The following CFAP77 variants were observed in gnomAD, a reference collection of about 807,000 sequenced individuals.
CFAP77 encodes cilia- and flagella-associated protein 77.
Under a neutral mutation model 31.1 loss-of-function variants are expected in CFAP77, and 25 were observed. The ratio of observed to expected loss-of-function variants is 0.80; its 90% CI spans 0.59 to 1.12. CFAP77 has a LOEUF of 1.12. Ranked by LOEUF, CFAP77 falls within the 50% of genes most tolerant of loss-of-function variation. CFAP77 has a pLI of 0.00. For synonymous variants in CFAP77, 151 were observed against 159.9 expected (o/e 0.94, Z 0.42); for missense variants, 377 against 397.3 (o/e 0.95, Z 0.44).
chr9:132,572,498 C>T lies in CFAP77; in HGVS notation c.843C>T (p.Tyr281=), dbSNP rs1829972910. The T allele has an allele frequency of 1.9e-6, 3 of 1,606,362 alleles. No homozygotes were observed. Among genetic ancestry groups the T allele is most frequent in the Non-Finnish European group, 2.5e-6 (3 of 1,179,566 alleles). Residue 281 remains tyrosine (Y), a synonymous_variant, in exon 6 of 6, where the codon TAC becomes TAT. Transcript: ENST00000393216. The part of the protein sequence containing the change: ...VRQGTLRMGN[Y]THP Reference sequence around the variant, plus strand: ...AGGGGACCCTGCGGATGGGCAACTACACCCACCCCTAGCCCCTCCCTCCCC... The same window carrying T: ...AGGGGACCCTGCGGATGGGCAACTATACCCACCCCTAGCCCCTCCCTCCCC...
intron 1 of CFAP77, among the ~76,000 whole-genome samples, chr9:132,438,541 A>ATATATATATATATATTTTTT: frequency 9.2e-6 from 1 of 108,152 alleles, no homozygotes; most frequent in African/African-American, 4.1e-5. Context: ...ATATATATAT[A>ATATATATATATATATTTTTT]TTTTTTTTTT....
chr9:132,502,267 T>TA (rs1564230443), intron 3 of CFAP77, among the ~76,000 whole-genome samples: 54 of 58,326 alleles, frequency 9.3e-4, no homozygotes, highest in East Asian at 3.9e-3. Flanking sequence ...ATATATATAT[T>TA]TTTTTTTTTT....
At chr9:132,436,036 A>T (rs971665284) in intron 1 of CFAP77, among the ~76,000 whole-genome samples, 6 of 152,162 alleles carry the variant, frequency 3.9e-5, no homozygotes, top group Non-Finnish European at 7.4e-5. Context: ...TGAAGAAAGG[A>T]TGATGGTCTG....
chr9:132,465,200 C>T (rs1019931600), intron 1 of CFAP77, among the ~76,000 whole-genome samples: 2 of 151,786 alleles, frequency 1.3e-5, no homozygotes, highest in Non-Finnish European at 2.9e-5. Context: ...TCTTAAAAGT[C>T]GAATTCACAT....
At position 132,448,168 on chromosome 9, in the gene CFAP77, C is replaced by CGCACACAT. The variant is rs1157702559; in HGVS notation, c.195+37710_195+37717dup. On this transcript the variant is annotated intron_variant, in intron 1 of 5. Transcript: ENST00000393216. ...GTTGTACTGGATCAAGATACACACACGCACACATGCACACACACACACGCA... is the reference window on the plus strand; with the variant it reads ...GTTGTACTGGATCAAGATACACACACGCACACATGCACACATGCACACACACACACGCA... 2.7e-5 allele frequency among the ~76,000 whole-genome samples: 4 copies of CGCACACAT among 149,506 alleles called. No homozygotes were observed. The South Asian group carries it at 8.6e-4, about 32-fold the overall frequency.
chr9:132,453,392 G>A (rs1035814847), intron 1 of CFAP77, among the ~76,000 whole-genome samples: 15 of 150,062 alleles, frequency 1.0e-4, no homozygotes, highest in African/African-American at 2.0e-4. Context: ...TGGGCAAGAC[G>A]GCATGCGCCT....
At chr9:132,466,264 G>T (rs1329028357) in intron 1 of CFAP77, among the ~76,000 whole-genome samples, 1 of 152,128 alleles carries the variant, frequency 6.6e-6, no homozygotes, top group Admixed American at 6.5e-5. Context: ...GCCCCTTGAT[G>T]ATTCTAGAGA....
intron 1 of CFAP77, among the ~76,000 whole-genome samples, chr9:132,427,572 G>A (rs1048763517): frequency 1.2e-4 from 18 of 151,986 alleles, no homozygotes; most frequent in African/African-American, 3.4e-4. Flanking sequence ...CCGAGATCAC[G>A]CAACTGCACT....
chr9:132,553,471 C>T (rs1026589855), intron 5 of CFAP77, among the ~76,000 whole-genome samples: 2 of 152,124 alleles, frequency 1.3e-5, no homozygotes, highest in Non-Finnish European at 1.5e-5. Flanking sequence ...ACACCATATG[C>T]GAATTTTGGG....
chr9:132,538,854 A>C (rs1158029968), intron 4 of CFAP77, among the ~76,000 whole-genome samples: 1 of 152,052 alleles, frequency 6.6e-6, no homozygotes, highest in Non-Finnish European at 1.5e-5. Flanking sequence ...TTGAGAGGCC[A>C]AGGCGGGCGG....
At chr9:132,536,897 T>C (rs145558088) in intron 3 of CFAP77, among the ~76,000 whole-genome samples, 1 of 152,254 alleles carries the variant, frequency 6.6e-6, no homozygotes, top group African/African-American at 2.4e-5. Context: ...ATAATACTAG[T>C]ATCCATTTTC....
chr9:132,561,655 A>ACC (rs1564253318), intron 5 of CFAP77, among the ~76,000 whole-genome samples: 2 of 85,284 alleles, frequency 2.3e-5, no homozygotes, highest in African/African-American at 1.8e-4. Flanking sequence ...ACACACACAC[A>ACC]CACACACCCC....
chr9:132,426,905 C>T (rs781141084), intron 1 of CFAP77, among the ~76,000 whole-genome samples: 7 of 152,140 alleles, frequency 4.6e-5, no homozygotes, highest in African/African-American at 7.2e-5. Context: ...TTGGTTTCTT[C>T]CTCAGGAATA....
intron 3 of CFAP77, among the ~76,000 whole-genome samples, chr9:132,518,820 C>T (rs748141269): frequency 3.3e-5 from 5 of 152,224 alleles, no homozygotes; most frequent in South Asian, 2.1e-4. Context: ...CTCTGAGCTC[C>T]GGCCACACTG....
chr9:132,522,792 C>T (rs890702167), intron 3 of CFAP77, among the ~76,000 whole-genome samples: 28 of 152,176 alleles, frequency 1.8e-4, no homozygotes, highest in African/African-American at 6.5e-4. Flanking sequence ...AAACAAACGG[C>T]CTGGAGAGTT....
intron 1 of CFAP77, among the ~76,000 whole-genome samples, chr9:132,418,246 C>T (rs1254657251): frequency 6.6e-6 from 1 of 152,250 alleles, no homozygotes; most frequent in Admixed American, 6.5e-5. Flanking sequence ...TTGGTTATTA[C>T]ACCTGGCGAG....
chr9:132,515,101 G>A (rs1206114241), intron 3 of CFAP77, among the ~76,000 whole-genome samples: 2 of 152,184 alleles, frequency 1.3e-5, no homozygotes, highest in Non-Finnish European at 2.9e-5. Flanking sequence ...ACTTGGCGGG[G>A]GTGGGGGAGG....
At position 132,565,273 on chromosome 9, in the gene CFAP77, C is replaced by T. The variant is rs1259978312; in HGVS notation, c.733-7115C>T. On this transcript the variant is annotated intron_variant, in intron 5 of 5. Coordinates refer to ENST00000393216, the MANE Select transcript of CFAP77 (RefSeq NM_001282957.2). This position sits in a 1 kb window ranked among gnomAD's most constrained non-coding sequence, Gnocchi z 4.1. Reference sequence around the variant, plus strand: ...TGCCCCTGGCTTGCTCCTTCATCCTCCCCAGAGAGCCCTTCCTGAGCCCCA... The same window carrying T: ...TGCCCCTGGCTTGCTCCTTCATCCTTCCCAGAGAGCCCTTCCTGAGCCCCA... Among the ~76,000 whole-genome samples the T allele has an allele frequency of 2.6e-5, 4 of 151,746 alleles. No individual in the cohort carries two copies. In the East Asian group the frequency reaches 7.7e-4, roughly 29 times the overall value.
Position 132,539,289 on chromosome 9 carries a change from G to T in CFAP77, c.630+1583G>T, listed in dbSNP as rs933202478. On this transcript the variant is annotated intron_variant, in intron 4 of 5. Transcript: ENST00000393216. This position sits in a 1 kb window ranked among gnomAD's most constrained non-coding sequence, Gnocchi z 4.3. Reference sequence around the variant, plus strand: ...TGGCTCCGGCGTGGCTAGTTGTCATGACAATCACAACCAGCACCCTCCCCA... The same window carrying T: ...TGGCTCCGGCGTGGCTAGTTGTCATTACAATCACAACCAGCACCCTCCCCA... Among the ~76,000 whole-genome samples the T allele has an allele frequency of 6.6e-6, 1 of 152,020 alleles. No individual in the cohort carries two copies. Among genetic ancestry groups the T allele is most frequent in the Non-Finnish European group, 1.5e-5 (1 of 68,004 alleles).
Sources: gnomAD v4.1 joint callset for allele counts (sites outside exome capture counted in the v4.1 genomes callset) on GRCh38, gnomAD v4.1.1 for gene constraint, Gnocchi (gnomAD v3.1) non-coding constraint, MANE v1.5 for transcripts, NCBI Gene and HGNC (gene_info 2026-07-23, HGNC 2026-07-21) for gene names.